The following MCC variants were observed in gnomAD, a reference collection of about 807,000 sequenced individuals.
MCC encodes the protein colorectal mutant cancer protein.
A neutral mutation model predicts 116.2 loss-of-function variants in MCC; 90 were observed. The observed-to-expected ratio is 0.77, with a 90% CI of 0.65 to 0.92. MCC has a LOEUF of 0.92. Among genes scored for constraint, MCC ranks in the 40% least tolerant of loss-of-function variants. MCC has a pLI of 0.00. For missense variants in MCC, 1,516 were observed against 1,312.2 expected, an observed-to-expected ratio of 1.16 and a Z score of -2.40; for synonymous variants, 578 against 510.5, an observed-to-expected ratio of 1.13 and a Z score of -1.78.
chr5:113,126,435 C>A (rs1262621105), intron 5 of MCC, among the ~76,000 whole-genome samples: 1 of 152,134 alleles, frequency 6.6e-6, no homozygotes, highest in Non-Finnish European at 1.5e-5. Flanking sequence ...ACCAATGAGA[C>A]AATATGTACT....
chr5:113,218,040 C>T (rs1763390789), intron 3 of MCC, among the ~76,000 whole-genome samples: 1 of 150,418 alleles, frequency 6.6e-6, no homozygotes, highest in Non-Finnish European at 1.5e-5. Context: ...TAGAAAGAAG[C>T]CAGAAATCCT....
chr5:113,286,725 A>C (rs1050972413), intron 3 of MCC, among the ~76,000 whole-genome samples: 2 of 152,364 alleles, frequency 1.3e-5, no homozygotes, highest in Middle Eastern at 3.4e-3. Context: ...ATAGCTGCTA[A>C]CTACAGAATT....
At chr5:113,088,068 A>C (rs1228568307) in intron 8 of MCC, among the ~76,000 whole-genome samples, 1 of 152,228 alleles carries the variant, frequency 6.6e-6, no homozygotes, top group Non-Finnish European at 1.5e-5. Context: ...TTTCACTTTA[A>C]AAACTTCGGA....
chr5:113,398,216 ATGCTTG>A (rs1769584356), intron 1 of MCC, among the ~76,000 whole-genome samples: 1 of 152,192 alleles, frequency 6.6e-6, no homozygotes, highest in South Asian at 2.1e-4. Flanking sequence ...AGAAAGGGGA[ATGCTTG>A]TGCACTGTTG....
rs1203753140 is a variant in MCC, at chr5:113,215,125, A to G, written c.628-63703T>C. ...CAGCCCTTTAAGTTTGGGCTCAGCT[A>G]TCACTTCCTCCAGAAGCCTTTGCTG... On this transcript the variant is annotated intron_variant, in intron 3 of 18. Coordinates refer to ENST00000408903, the MANE Select transcript of MCC (RefSeq NM_001085377.2). Among the ~76,000 whole-genome samples the G allele has an allele frequency of 2.0e-5, 3 of 152,258 alleles. No homozygotes were observed. The South Asian group carries it at 6.2e-4, about 32-fold the overall frequency.
At chr5:113,287,263 TA>T (rs1195250968) in intron 3 of MCC, among the ~76,000 whole-genome samples, 1 of 152,214 alleles carries the variant, frequency 6.6e-6, no homozygotes, top group African/African-American at 2.4e-5. Context: ...AGAGATGGCT[TA>T]AAATATAATT....
intron 2 of MCC, among the ~76,000 whole-genome samples, chr5:113,350,989 C>T (rs113748212): frequency 0.019 from 2,826 of 152,188 alleles, 33 homozygotes; most frequent in Middle Eastern, 0.027. Context: ...AATGAGATAT[C>T]ATCTCATCCC....
intron 6 of MCC, among the ~76,000 whole-genome samples, chr5:113,112,482 G>C (rs758339154): frequency 2.8e-4 from 43 of 152,082 alleles, no homozygotes; most frequent in Non-Finnish European, 5.1e-4. Flanking sequence ...ACCTTCTGCC[G>C]TAATTGTAAG....
chr5:113,200,090 T>G (rs1248658172), intron 3 of MCC, among the ~76,000 whole-genome samples: 2 of 152,094 alleles, frequency 1.3e-5, no homozygotes, highest in African/African-American at 4.8e-5. Context: ...AGTGACAAGG[T>G]AAGTTTTAAT....
At chr5:113,199,851 C>A (rs1032691075) in intron 3 of MCC, among the ~76,000 whole-genome samples, 2 of 152,220 alleles carry the variant, frequency 1.3e-5, no homozygotes, top group African/African-American at 4.8e-5. Flanking sequence ...CTCCAAACAT[C>A]CTGAACTTTC....
chr5:113,139,560 T>C (rs1759052013), intron 5 of MCC, among the ~76,000 whole-genome samples: 2 of 152,040 alleles, frequency 1.3e-5, no homozygotes, highest in Non-Finnish European at 2.9e-5. Context: ...CAAAATACCA[T>C]CTCACACCAG....
intron 3 of MCC, chr5:113,294,607 T>C (rs1214548834): frequency 1.7e-6 from 2 of 1,176,774 alleles, no homozygotes; most frequent in South Asian, 4.1e-5. Context: ...TGCAGGAGGC[T>C]CGGTGGCGCG....
chr5:113,137,405 C>A (rs1046523105), intron 5 of MCC, among the ~76,000 whole-genome samples: 1 of 152,136 alleles, frequency 6.6e-6, no homozygotes, highest in African/African-American at 2.4e-5. Flanking sequence ...GGGTTTTTAT[C>A]ATAAAGGGAT....
At chr5:113,343,942 A>G (rs959697837) in intron 2 of MCC, among the ~76,000 whole-genome samples, 16 of 152,156 alleles carry the variant, frequency 1.1e-4, no homozygotes, top group Non-Finnish European at 1.8e-4. Flanking sequence ...CTACCTACAC[A>G]TAAAAAAGCA....
At chr5:113,280,131 T>C (rs377580997) in intron 3 of MCC, among the ~76,000 whole-genome samples, 5 of 152,320 alleles carry the variant, frequency 3.3e-5, no homozygotes, top group African/African-American at 1.2e-4. Context: ...GATACTCTCA[T>C]GTAATCTGGC....
chr5:113,400,463 T>G (rs922773964), intron 1 of MCC, among the ~76,000 whole-genome samples: 1 of 152,106 alleles, frequency 6.6e-6, no homozygotes, highest in African/African-American at 2.4e-5. Flanking sequence ...CTATTGACAC[T>G]GTAGTGAAAG....
intron 3 of MCC, among the ~76,000 whole-genome samples, chr5:113,171,105 T>G (rs537612749): frequency 6.6e-6 from 1 of 152,106 alleles, no homozygotes; most frequent in East Asian, 1.9e-4. Context: ...CACAACTGCC[T>G]ACATCCACAA....
intron 1 of MCC, among the ~76,000 whole-genome samples, chr5:113,414,255 G>A (rs928616063): frequency 3.9e-5 from 6 of 152,200 alleles, no homozygotes; most frequent in Admixed American, 2.0e-4. Context: ...TTGATTCGGG[G>A]TGGAGAGTTC....
intron 3 of MCC, among the ~76,000 whole-genome samples, chr5:113,254,136 T>C (rs1764915034): frequency 6.6e-6 from 1 of 152,100 alleles, no homozygotes; most frequent in African/African-American, 2.4e-5. Flanking sequence ...GGTACGAGGG[T>C]CAGTAGCATT....
Sources: allele counts gnomAD v4.1 joint callset (sites outside exome capture counted in the v4.1 genomes callset), GRCh38; gene constraint gnomAD v4.1.1; transcripts MANE v1.5; gene names NCBI Gene and HGNC (gene_info 2026-07-23, HGNC 2026-07-21).